Variants in NOTCH3 observed in about 807,000 individuals in gnomAD.
NOTCH3 encodes notch receptor 3.
Under a neutral mutation model 213.3 loss-of-function variants are expected in NOTCH3, and 86 were observed. The observed-to-expected ratio is 0.40, with a 90% CI of 0.34 to 0.48. The LOEUF is 0.48. Among genes scored for constraint, NOTCH3 ranks in the 20% least tolerant of loss-of-function variants. The pLI is 0.57. For missense variants in NOTCH3, 2,783 were observed against 3,272.6 expected (o/e 0.85, Z 3.65); for synonymous variants, 1,354 against 1,355.9 (o/e 1.00, Z 0.03).
Position 15,185,542 on chromosome 19 carries a change from G to C in NOTCH3, c.2089C>G (p.His697Asp). The change falls in exon 13 of 33, where the codon CAT becomes GAT. Residue 697 changes from histidine to aspartate, a missense_variant. His to Asp is a moderately conservative substitution (Grantham distance 81, BLOSUM62 -1). Coordinates refer to ENST00000263388, the MANE Select transcript of NOTCH3 (RefSeq NM_000435.3). This position sits in a 1 kb window ranked among gnomAD's most constrained non-coding sequence, Gnocchi z 4.2. The part of the protein sequence containing the change: ...SLPPLCLPPS[H>D]PCAHEPCSHG... Reference sequence around the variant, plus strand: ...CTGCAGGGCTCATGGGCACAGGGATGGCTCGGGGGGAGGCAGAGTGGGGGC... The same window carrying C: ...CTGCAGGGCTCATGGGCACAGGGATCGCTCGGGGGGAGGCAGAGTGGGGGC... The C allele has an allele frequency of 6.2e-7, 1 of 1,613,804 alleles. No individual in the cohort carries two copies.
chr19:15,161,688 G>C lies in NOTCH3; in HGVS notation c.5940C>G (p.Ala1980=). 6.2e-7 allele frequency: 1 copy of C among 1,613,904 alleles called. No individual in the cohort carries two copies. The highest frequency in any genetic ancestry group is 1.1e-5 in the South Asian group (1 of 91,026). ...TGGCAGCCTCATAGCTGCCCTCGCG[G>C]GCGGCCAGGAATAGGGGGGTCTCCT... ...SKEETPLFLA[A]REGSYEAAKL... Residue 1980 remains alanine, a synonymous_variant, in exon 33 of 33, where the codon GCC becomes GCG. Transcript: ENST00000263388.
Position 15,170,079 on chromosome 19 carries a change from GC to G in NOTCH3, c.5199+6del, listed in dbSNP as rs747462856. The G allele has an allele frequency of 2.6e-6, 4 of 1,548,072 alleles. No individual in the cohort carries two copies. Among genetic ancestry groups the G allele is most frequent in the Non-Finnish European group, 3.5e-6 (4 of 1,133,242 alleles). ...GGAGGGGGCAAAGGTCAGAGGGGGG[GC>G]AGTACCTTTAGCCGCTTGGCCTCTG... On this transcript the variant is annotated splice_donor_region_variant and intron_variant, in intron 28 of 32. Coordinates refer to ENST00000263388, the MANE Select transcript of NOTCH3 (RefSeq NM_000435.3).
chr19:15,177,682 C>A lies in NOTCH3; in HGVS notation c.4246G>T (p.Asp1416Tyr). The A allele has an allele frequency of 6.5e-7, 1 of 1,541,732 alleles. No homozygotes were observed. The highest frequency in any genetic ancestry group is 8.7e-7 in the Non-Finnish European group (1 of 1,151,224). ...GGGTCGCCCACGCTCAGCGAGCAGT[C>A]GCCGCCGTCCCAGCCGCAGCCTGGG... Reference protein sequence around the residue: ...NSPGCGWDGGDCSLSVGDPWR... With the variant: ...NSPGCGWDGGYCSLSVGDPWR... Residue 1416 changes from aspartate to tyrosine, a missense_variant, in exon 24 of 33, where the codon GAC becomes TAC. This residue lies in a region of NOTCH3 where 133 missense variants were observed against 201.9 expected (regional missense o/e 0.66). Coordinates refer to ENST00000263388, the MANE Select transcript of NOTCH3 (RefSeq NM_000435.3).
chr19:15,190,833 C>T (rs1265525974), intron 6 of NOTCH3, among the ~76,000 whole-genome samples: 1 of 152,138 alleles, frequency 6.6e-6, no homozygotes, highest in Admixed American at 6.6e-5. Context: ...GCAATCTACC[C>T]GCCTGGGCCT....
chr19:15,193,569 T>G (rs1401646197), intron 2 of NOTCH3, among the ~76,000 whole-genome samples: 4 of 151,712 alleles, frequency 2.6e-5, no homozygotes, highest in Admixed American at 2.6e-4. Flanking sequence ...AAGTTCAAGA[T>G]CAGCTTGAGC....
rs375532250 is a variant in NOTCH3, at chr19:15,181,204, C to T, written c.2793-42G>A. 8.4e-6 allele frequency: 13 copies of T among 1,540,348 alleles called. No homozygotes were observed. The African/African-American group carries it at 9.5e-5, about 11-fold the overall frequency. On this transcript the variant is annotated intron_variant, in intron 17 of 32. Transcript: ENST00000263388. ...GGGAGGGAGGATCAGGCTCCGCCCCCTCACAGGCCCTGCCCTCCTTCCTGA... is the reference window on the plus strand; with the variant it reads ...GGGAGGGAGGATCAGGCTCCGCCCCTTCACAGGCCCTGCCCTCCTTCCTGA...
At chr19:15,180,626 C>A (rs1404679059) in intron 19 of NOTCH3, 55 bp downstream of exon 19, 4 of 1,533,458 alleles carry the variant, frequency 2.6e-6, no homozygotes, top group East Asian at 4.9e-5. Context: ...GCAGGAGGTA[C>A]GTGCATGAGC....
At position 15,184,978 on chromosome 19, in the gene NOTCH3, A is replaced by G. The variant is rs2145428748; in HGVS notation, c.2338T>C (p.Cys780Arg). 1 of 1,544,610 alleles carries G rather than the reference A, an allele frequency of 6.5e-7. No homozygotes were observed. Among genetic ancestry groups the G allele is most frequent in the Non-Finnish European group, 8.8e-7 (1 of 1,142,818 alleles). ...GACTCGCAGCGGCCCCCATGCTCAC[A>G]GGGGTTCGGGGTGCAGGGGGAGAGG... is the stretch of plus-strand genomic sequence containing the variant. ...ELLSPCTPNPCEHGGRCESAP... is the reference protein window; with the variant it reads ...ELLSPCTPNPREHGGRCESAP... Residue 780 changes from cysteine (C) to arginine (R), a missense_variant, in exon 15 of 33, where the codon TGT becomes CGT. Physicochemically the swap from Cys to Arg is radical, Grantham distance 180 (BLOSUM62 -3). Transcript: ENST00000263388.
At chr19:15,175,615 G>A (rs11880303) in intron 24 of NOTCH3, among the ~76,000 whole-genome samples, 6,500 of 66,786 alleles carry the variant, frequency 0.097, 573 homozygotes, top group African/African-American at 0.32. Context: ...ACACACACAC[G>A]CACGCACACA....
At position 15,187,065 on chromosome 19, in the gene NOTCH3, C is replaced by T. The variant is rs752856819; in HGVS notation, c.1840+40G>A. The T allele has an allele frequency of 1.8e-5, 29 of 1,606,836 alleles. 1 individual carries two copies. The highest frequency in any genetic ancestry group is 2.3e-5 in the Non-Finnish European group (27 of 1,176,112). ...GCACCATTCCCAAACCCTCTGTGCC[C>T]CTCCAGGTGTGCTGTTTCTGCCCCA... is the stretch of plus-strand genomic sequence containing the variant. On this transcript the variant is annotated intron_variant, in intron 11 of 32. Transcript: ENST00000263388.
At chr19:15,173,934 T>C (rs1282298906) in intron 25 of NOTCH3, 134 bp downstream of exon 25, 1 of 741,138 alleles carries the variant, frequency 1.3e-6, no homozygotes, top group Non-Finnish European at 2.1e-6. Flanking sequence ...ATTTTTTGCT[T>C]GTCACAGCCA....
rs1020411291 is a variant in NOTCH3 at position 15,199,113 on chromosome 19, C to A, written c.119-1535G>T. Among the ~76,000 whole-genome samples, 4 of 152,218 alleles carry A rather than the reference C, an allele frequency of 2.6e-5. No homozygotes were observed. In the South Asian group the frequency reaches 8.3e-4, roughly 31 times the overall value. ...TGGGTCCCATAACATGGGCTATGGG[C>A]CACCCTGAGCTGTAGGCAATGTGAG... On this transcript the variant is annotated intron_variant, in intron 1 of 32. Coordinates refer to ENST00000263388, the MANE Select transcript of NOTCH3 (RefSeq NM_000435.3).
chr19:15,197,788 A>C (rs1385998909), intron 1 of NOTCH3, among the ~76,000 whole-genome samples: 4 of 120,462 alleles, frequency 3.3e-5, no homozygotes, highest in African/African-American at 1.3e-4. Flanking sequence ...TGTCCCTGCC[A>C]GCTCGAGCCC....
chr19:15,174,528 G>A, intron 24 of NOTCH3, 128 bp from the exon 25 acceptor site: 1 of 658,200 alleles, frequency 1.5e-6, no homozygotes, highest in South Asian at 2.7e-5. Context: ...GGAATATACG[G>A]ACCCATGCCA....
intron 6 of NOTCH3, among the ~76,000 whole-genome samples, chr19:15,191,025 A>T (rs960311356): frequency 5.3e-5 from 8 of 151,440 alleles, no homozygotes; most frequent in African/African-American, 1.9e-4. Context: ...CCGGCCTAGC[A>T]TAATCTTTTT....
intron 32 of NOTCH3, 59 bp downstream of exon 32, chr19:15,162,406 T>A: frequency 8.9e-7 from 1 of 1,123,108 alleles, no homozygotes; most frequent in Non-Finnish European, 1.4e-6. Context: ...TTGCCCAGGC[T>A]GGATTGCAAT....
chr19:15,179,937 T>C (rs541507488), intron 20 of NOTCH3, 135 bp downstream of exon 20: 9 of 638,272 alleles, frequency 1.4e-5, no homozygotes, highest in African/African-American at 1.3e-4. Context: ...CACCCACAGA[T>C]ACACCAAGAG....
rs187058147 is a variant in NOTCH3, at chr19:15,162,568, G to C, written c.5816-6C>G. On this transcript the variant is annotated splice_region_variant and splice_polypyrimidine_tract_variant and intron_variant, in intron 31 of 32. Transcript: ENST00000263388. ...CCAGTGTAAGGCTGATTTCCCTGGAGGATGAAGGGGAGAGAGGTCAGGACC... is the reference window on the plus strand; with the variant it reads ...CCAGTGTAAGGCTGATTTCCCTGGACGATGAAGGGGAGAGAGGTCAGGACC... 2 of 1,612,312 alleles carry C rather than the reference G, an allele frequency of 1.2e-6. No individual in the cohort carries two copies. Among genetic ancestry groups the C allele is most frequent in the South Asian group, 2.2e-5 (2 of 91,000 alleles).
At chr19:15,162,270 C>T in intron 32 of NOTCH3, 195 bp downstream of exon 32, 2 of 595,484 alleles carry the variant, frequency 3.4e-6, no homozygotes, top group Non-Finnish European at 3.0e-6. Flanking sequence ...GCATGAACCA[C>T]CACACCCAGC....
Sources: allele counts gnomAD v4.1 joint callset (sites outside exome capture counted in the v4.1 genomes callset), GRCh38; gene constraint gnomAD v4.1.1; regional missense constraint gnomAD v4.1.1; non-coding constraint Gnocchi (gnomAD v3.1); transcripts MANE v1.5; gene names NCBI Gene and HGNC (gene_info 2026-07-23, HGNC 2026-07-21).